Variants in GRIK4 observed in about 807,000 individuals in gnomAD.
GRIK4 encodes the protein glutamate ionotropic receptor kainate type subunit 4.
Under a neutral mutation model 104.9 loss-of-function variants are expected in GRIK4, and 40 were observed. That is an observed-to-expected ratio of 0.38 (90% CI 0.30 to 0.50). The LOEUF (loss-of-function observed/expected upper bound fraction) is 0.50. GRIK4 is among the 20% of genes least tolerant of loss of function. The pLI is 0.93. For missense variants in GRIK4, 1,047 were observed against 1,308.1 expected (o/e 0.80, Z 3.08); for synonymous variants, 485 against 524.9 (o/e 0.92, Z 1.04).
intron 6 of GRIK4, among the ~76,000 whole-genome samples, chr11:120,830,665 G>C (rs1335708333): frequency 6.6e-6 from 1 of 152,162 alleles, no homozygotes; most frequent in Non-Finnish European, 1.5e-5. Flanking sequence ...TCTCCTCTGT[G>C]CTGGGGATTA....
chr11:120,671,050 A>T (rs1362811957), intron 3 of GRIK4, among the ~76,000 whole-genome samples: 1 of 152,146 alleles, frequency 6.6e-6, no homozygotes, highest in Non-Finnish European at 1.5e-5. Context: ...TTTTATGGCT[A>T]CATAGTATTC....
At chr11:120,601,144 G>C (rs921673797) in intron 1 of GRIK4, among the ~76,000 whole-genome samples, 1 of 151,920 alleles carries the variant, frequency 6.6e-6, no homozygotes, top group African/African-American at 2.4e-5. Context: ...GGTGGCTCAC[G>C]TCTGTAATCC....
At chr11:120,925,971 C>T (rs1943335399) in intron 13 of GRIK4, among the ~76,000 whole-genome samples, 1 of 108,652 alleles carries the variant, frequency 9.2e-6, no homozygotes, top group Admixed American at 1.0e-4. Context: ...GAGACTCCAT[C>T]TCAAAAAAAA....
chr11:120,770,551 G>C (rs1457262169), intron 3 of GRIK4, among the ~76,000 whole-genome samples: 1 of 152,128 alleles, frequency 6.6e-6, no homozygotes, highest in Non-Finnish European at 1.5e-5. Context: ...ACTTTCTTTT[G>C]GATGAATTTC....
At chr11:120,607,384 CG>C (rs1287224518) in intron 1 of GRIK4, among the ~76,000 whole-genome samples, 1 of 152,036 alleles carries the variant, frequency 6.6e-6, no homozygotes, top group Non-Finnish European at 1.5e-5. Flanking sequence ...TGCAGGAGGC[CG>C]GGAGAAGGCC....
At chr11:120,840,519 A>G (rs907108293) in intron 8 of GRIK4, among the ~76,000 whole-genome samples, 5 of 152,160 alleles carry the variant, frequency 3.3e-5, no homozygotes, top group Non-Finnish European at 7.3e-5. Flanking sequence ...TGAGGTCCAA[A>G]TCGTGAGAAC....
chr11:120,689,536 C>A (rs1698429628), intron 3 of GRIK4, among the ~76,000 whole-genome samples: 1 of 151,982 alleles, frequency 6.6e-6, no homozygotes, highest in African/African-American at 2.4e-5. Context: ...CACTTGGCCA[C>A]TCAGTATTCC....
At chr11:120,925,266 T>C (rs1294222865) in intron 13 of GRIK4, among the ~76,000 whole-genome samples, 1 of 152,152 alleles carries the variant, frequency 6.6e-6, no homozygotes, top group African/African-American at 2.4e-5. Flanking sequence ...ATTACAGGGC[T>C]GACAAGTGGG....
In GRIK4 at chr11:120,549,759, A is replaced by G. The variant is rs150527050; in HGVS notation, c.-159+37872A>G. Among the ~76,000 whole-genome samples the G allele has an allele frequency of 1.3e-3, 200 of 152,192 alleles. No homozygotes were observed. Among genetic ancestry groups the G allele is most frequent in the African/African-American group, 4.7e-3 (195 of 41,532 alleles). The stretch of plus-strand genomic sequence containing the variant: ...GCAGCTGCTGCAGACAGGGGACACA[A>G]TGGAATCCTCAAGGAGGACAGAGCC... On this transcript the variant is annotated intron_variant, in intron 1 of 20. Transcript: ENST00000527524. The surrounding 1 kb of genome is among the most constrained non-coding windows in gnomAD (Gnocchi z 4.7).
At chr11:120,946,931 A>T (rs1565455725) in intron 14 of GRIK4, among the ~76,000 whole-genome samples, 2 of 152,190 alleles carry the variant, frequency 1.3e-5, no homozygotes, top group Non-Finnish European at 2.9e-5. Context: ...GTCCCAAGCC[A>T]GCTAGAACAC....
intron 15 of GRIK4, among the ~76,000 whole-genome samples, chr11:120,954,415 G>A (rs1591326631): frequency 6.6e-6 from 1 of 151,470 alleles, no homozygotes; most frequent in African/African-American, 2.4e-5. Context: ...GAGCTAGCAC[G>A]CTGTCTGACA....
In GRIK4 at chr11:120,934,489, C is replaced by T. The variant is rs576394210; in HGVS notation, c.1477-5858C>T. Among the ~76,000 whole-genome samples the T allele has an allele frequency of 1.3e-4, 20 of 152,232 alleles. No individual in the cohort carries two copies. In the East Asian group the frequency reaches 1.4e-3, roughly 10 times the overall value. ...TCTTCCTCCCAGCCAGGCTCATGTC[C>T]CAGGAGAAGAGCAGTGGCCACGCCA... is the stretch of plus-strand genomic sequence containing the variant. On this transcript the variant is annotated intron_variant, in intron 13 of 20. Coordinates refer to ENST00000527524, the MANE Select transcript of GRIK4 (RefSeq NM_014619.5).
At chr11:120,521,096 T>C (rs1947792465) in intron 1 of GRIK4, among the ~76,000 whole-genome samples, 2 of 152,012 alleles carry the variant, frequency 1.3e-5, no homozygotes, top group African/African-American at 2.4e-5. Context: ...GTTTTGTTTT[T>C]CGTTTTTTTG....
rs1943669057 is a variant in GRIK4 at position 120,939,388 on chromosome 11, A to G, written c.1477-959A>G. On this transcript the variant is annotated intron_variant, in intron 13 of 20. Transcript: ENST00000527524. This position sits in a 1 kb window ranked among gnomAD's most constrained non-coding sequence, Gnocchi z 5.6. ...GTTGTTGTGCATTAAGGGGACCAGA[A>G]ACTCTTCTTCGGGTCTGCTAATGAC... 1.3e-5 allele frequency among the ~76,000 whole-genome samples: 2 copies of G among 152,144 alleles called. No individual in the cohort carries two copies. The highest frequency in any genetic ancestry group is 1.3e-4 in the Admixed American group (2 of 15,282).
At chr11:120,597,866 G>A (rs1192139520) in intron 1 of GRIK4, among the ~76,000 whole-genome samples, 1 of 152,128 alleles carries the variant, frequency 6.6e-6, no homozygotes, top group African/African-American at 2.4e-5. Flanking sequence ...TTTCAGGAGC[G>A]GGAGTGCCTG....
intron 13 of GRIK4, among the ~76,000 whole-genome samples, chr11:120,925,035 G>A (rs1192403409): frequency 6.6e-6 from 1 of 152,194 alleles, no homozygotes; most frequent in Non-Finnish European, 1.5e-5. Flanking sequence ...CTGGGGAGGT[G>A]GGGCAGTTCA....
chr11:120,840,970 A>C (rs1591979459), intron 8 of GRIK4, among the ~76,000 whole-genome samples: 1 of 152,212 alleles, frequency 6.6e-6, no homozygotes, highest in Non-Finnish European at 1.5e-5. Context: ...GGTGCCTCAT[A>C]GAAGTGGAAT....
intron 1 of GRIK4, among the ~76,000 whole-genome samples, chr11:120,650,057 C>T (rs1371304127): frequency 1.3e-5 from 2 of 152,176 alleles, no homozygotes; most frequent in African/African-American, 4.8e-5. Context: ...GCCAGTCCTG[C>T]CCTTCCCATC....
In GRIK4 at chr11:120,888,243, A is replaced by G. The variant is rs111387807; in HGVS notation, c.1165-10289A>G. Among the ~76,000 whole-genome samples the G allele has an allele frequency of 2.8e-4, 43 of 152,208 alleles. 1 individual carries two copies. The highest frequency in any genetic ancestry group is 9.6e-4 in the African/African-American group (40 of 41,528). On this transcript the variant is annotated intron_variant, in intron 11 of 20. Coordinates refer to ENST00000527524, the MANE Select transcript of GRIK4 (RefSeq NM_014619.5). ...GTATAGTCCCAACCCAATAGAATTA[A>G]TATCTATTAGTATTAGTATCTATAT...
Sources: allele counts gnomAD v4.1 joint callset (sites outside exome capture counted in the v4.1 genomes callset), GRCh38; gene constraint gnomAD v4.1.1; non-coding constraint Gnocchi (gnomAD v3.1); transcripts MANE v1.5; gene names NCBI Gene and HGNC (gene_info 2026-07-23, HGNC 2026-07-21).